The following RGS17 variants were observed in gnomAD, a reference collection of about 807,000 sequenced individuals.
The protein encoded by RGS17 is regulator of G-protein signaling 17.
RGS17 carries 12 observed loss-of-function variants against 25.5 expected under a neutral mutation model. The ratio of observed to expected loss-of-function variants is 0.47; its 90% CI spans 0.30 to 0.76. The LOEUF is 0.76. Ranked by LOEUF, RGS17 falls within the 30% of genes least tolerant of loss-of-function variation. RGS17 has a pLI of 0.07. For missense variants in RGS17, 196 were observed against 242.2 expected (o/e 0.81, Z 1.27); for synonymous variants, 71 against 76.9 (o/e 0.92, Z 0.40).
rs143462804 is a variant in RGS17 at position 153,021,582 on chromosome 6, T to C, written c.444+2680A>G. ...GTTTGTTTTTGCCATTAAACAATGA[T>C]TAAATTTAATTACTCTGTTGACAGG... On this transcript the variant is annotated intron_variant, in intron 4 of 4. Transcript: ENST00000206262. Among the ~76,000 whole-genome samples, 475 of 152,314 alleles carry C rather than the reference T, an allele frequency of 3.1e-3. 7 individuals are homozygous for C. Among genetic ancestry groups the C allele is most frequent in the African/African-American group, 0.011 (459 of 41,574 alleles).
At chr6:153,086,206 C>T (rs1777050672) in intron 1 of RGS17, among the ~76,000 whole-genome samples, 1 of 152,004 alleles carries the variant, frequency 6.6e-6, no homozygotes, top group South Asian at 2.1e-4. Flanking sequence ...TGACATGATG[C>T]CATGATTCAT....
chr6:153,092,449 G>C (rs556950053), intron 1 of RGS17, among the ~76,000 whole-genome samples: 1 of 152,126 alleles, frequency 6.6e-6, no homozygotes, highest in Non-Finnish European at 1.5e-5. Context: ...CAGTATTTTG[G>C]TATCAGTTCT....
chr6:153,125,019 T>C (rs537711109), intron 1 of RGS17, among the ~76,000 whole-genome samples: 108 of 152,320 alleles, frequency 7.1e-4, no homozygotes, highest in Non-Finnish European at 1.2e-3. Flanking sequence ...GAGACTTCAC[T>C]GGATTTAACT....
rs1779133081 is a variant in RGS17, at chr6:153,011,557, T to C, written c.*17A>G. The C allele has an allele frequency of 1.9e-6, 3 of 1,552,752 alleles. No individual in the cohort carries two copies. Among genetic ancestry groups the C allele is most frequent in the Non-Finnish European group, 2.6e-6 (3 of 1,133,964 alleles). On this transcript the variant is annotated 3_prime_UTR_variant, in exon 5 of 5. Coordinates refer to ENST00000206262, the MANE Select transcript of RGS17 (RefSeq NM_012419.5). ...TTCCCATCTCAGCCCTCCAAAATGATTGTTTTTAAATGAACATTAAGATTC... is the reference window on the plus strand; with the variant it reads ...TTCCCATCTCAGCCCTCCAAAATGACTGTTTTTAAATGAACATTAAGATTC...
In RGS17 at chr6:153,107,649, TA is replaced by T. The variant is rs542012776; in HGVS notation, c.-26+23474del. Among the ~76,000 whole-genome samples the T allele has an allele frequency of 5.0e-3, 754 of 151,930 alleles. 3 individuals carry two copies. Among genetic ancestry groups the T allele is most frequent in the Non-Finnish European group, 8.8e-3 (596 of 67,958 alleles). ...TTTAACTCCACCCAAACACACAACT[TA>T]AAAAAAATAATATTTAAAAGTCTTA... is the stretch of plus-strand genomic sequence containing the variant. On this transcript the variant is annotated intron_variant, in intron 1 of 4. Coordinates refer to ENST00000206262, the MANE Select transcript of RGS17 (RefSeq NM_012419.5).
At chr6:153,125,172 C>T (rs188197505) in intron 1 of RGS17, among the ~76,000 whole-genome samples, 30 of 152,228 alleles carry the variant, frequency 2.0e-4, no homozygotes, top group Admixed American at 3.9e-4. Context: ...CTGTGTATTT[C>T]AACAGCCAAT....
At chr6:153,121,034 A>G (rs1777623683) in intron 1 of RGS17, among the ~76,000 whole-genome samples, 1 of 151,616 alleles carries the variant, frequency 6.6e-6, no homozygotes, top group South Asian at 2.1e-4. Flanking sequence ...TTATCTCTTT[A>G]TTCTTTAGGC....
At chr6:153,129,389 G>C (rs1332620141) in intron 1 of RGS17, among the ~76,000 whole-genome samples, 1 of 152,170 alleles carries the variant, frequency 6.6e-6, no homozygotes, top group Non-Finnish European at 1.5e-5. Context: ...ATATTTCTTG[G>C]ATAATACTCT....
At chr6:153,105,695 T>A (rs1584159575) in intron 1 of RGS17, among the ~76,000 whole-genome samples, 1 of 151,614 alleles carries the variant, frequency 6.6e-6, no homozygotes, top group East Asian at 1.9e-4. Context: ...GGTGACAGCA[T>A]GGACAAAAAC....
intron 1 of RGS17, among the ~76,000 whole-genome samples, chr6:153,078,442 C>G (rs1463250467): frequency 6.6e-6 from 1 of 151,922 alleles, no homozygotes; most frequent in Non-Finnish European, 1.5e-5. Flanking sequence ...TTAAATTTCT[C>G]AGTGCTGTTT....
intron 1 of RGS17, among the ~76,000 whole-genome samples, chr6:153,126,892 C>A (rs1254468766): frequency 6.6e-6 from 1 of 152,140 alleles, no homozygotes; most frequent in Non-Finnish European, 1.5e-5. Flanking sequence ...ATTTTAATTT[C>A]TTGAGAAACA....
chr6:153,012,344 A>G (rs968357670), intron 4 of RGS17, among the ~76,000 whole-genome samples: 8 of 152,222 alleles, frequency 5.3e-5, no homozygotes, highest in Admixed American at 2.0e-4. Context: ...AAACATCCTT[A>G]TATATCCAAA....
rs1425661853 is a variant in RGS17, at chr6:153,130,359, G to A, written c.-26+765C>T. 2.0e-5 allele frequency among the ~76,000 whole-genome samples: 3 copies of A among 151,954 alleles called. No homozygotes were observed. The highest frequency in any genetic ancestry group is 7.2e-5 in the African/African-American group (3 of 41,384). On this transcript the variant is annotated intron_variant, in intron 1 of 4. Coordinates refer to ENST00000206262, the MANE Select transcript of RGS17 (RefSeq NM_012419.5). The surrounding 1 kb of genome is among the most constrained non-coding windows in gnomAD (Gnocchi z 6.4). ...GACTCGCGGTTGGTGGGCGTTCCTC[G>A]TCCTCGCCCCCTCGGTGGCTGTGGA...
chr6:153,050,916 A>G (rs1210217815), intron 1 of RGS17, among the ~76,000 whole-genome samples: 1 of 152,172 alleles, frequency 6.6e-6, no homozygotes, highest in Non-Finnish European at 1.5e-5. Context: ...TTCAGAGGTA[A>G]TTAGGTCACA....
intron 1 of RGS17, among the ~76,000 whole-genome samples, chr6:153,086,295 T>C (rs536373009): frequency 4.3e-4 from 66 of 152,322 alleles, no homozygotes; most frequent in African/African-American, 1.4e-3. Context: ...TTATAACTCA[T>C]AGGCTATCTG....
chr6:153,106,241 A>G (rs1777381963), intron 1 of RGS17, among the ~76,000 whole-genome samples: 1 of 151,988 alleles, frequency 6.6e-6, no homozygotes, highest in East Asian at 1.9e-4. Flanking sequence ...AGGCAGTTTC[A>G]ATGGAAGCGG....
chr6:153,077,749 T>C (rs908103700), intron 1 of RGS17, among the ~76,000 whole-genome samples: 3 of 152,234 alleles, frequency 2.0e-5, no homozygotes, highest in Non-Finnish European at 2.9e-5. Context: ...AGAATTATGA[T>C]GAAATTAAAT....
At chr6:153,110,343 C>T (rs543623797) in intron 1 of RGS17, among the ~76,000 whole-genome samples, 25 of 151,862 alleles carry the variant, frequency 1.6e-4, no homozygotes, top group African/African-American at 6.0e-4. Flanking sequence ...CTTCTCTCTA[C>T]CAGCACCTCT....
At chr6:153,020,138 A>T (rs9479483) in intron 4 of RGS17, among the ~76,000 whole-genome samples, 8 of 39,278 alleles carry the variant, frequency 2.0e-4, no homozygotes, top group Admixed American at 5.1e-4. Flanking sequence ...ATATATATAT[A>T]TTTTTTTTTT....
Sources: allele counts gnomAD v4.1 joint callset (sites outside exome capture counted in the v4.1 genomes callset), GRCh38; gene constraint gnomAD v4.1.1; non-coding constraint Gnocchi (gnomAD v3.1); transcripts MANE v1.5; gene names NCBI Gene and HGNC (gene_info 2026-07-23, HGNC 2026-07-21).